Variants in MICU2 observed in about 807,000 individuals in gnomAD.
The protein encoded by MICU2 is mitochondrial calcium uptake 2.
A neutral mutation model predicts 60.4 loss-of-function variants in MICU2; 64 were observed. The observed-to-expected ratio is 1.06, with a 90% CI of 0.87 to 1.31. The LOEUF is 1.31. Among genes scored for constraint, MICU2 ranks in the 50% most tolerant of loss-of-function variants. The probability of loss-of-function intolerance (pLI) is 0.00; values close to 1 mark genes in which losing one functional copy is unlikely to be tolerated. For missense variants in MICU2, 569 were observed against 531.0 expected (o/e 1.07, Z -0.70); for synonymous variants, 201 against 175.0 (o/e 1.15, Z -1.17).
chr13:21,553,177 T>C (rs1356125592), intron 2 of MICU2, among the ~76,000 whole-genome samples: 2 of 152,198 alleles, frequency 1.3e-5, no homozygotes, highest in Non-Finnish European at 2.9e-5. Flanking sequence ...CTAGGTATTT[T>C]ATTCTCTTTG....
chr13:21,590,044 T>C (rs1016663864), intron 1 of MICU2, among the ~76,000 whole-genome samples: 1 of 151,556 alleles, frequency 6.6e-6, no homozygotes, highest in East Asian at 1.9e-4. Context: ...ACTTTATATA[T>C]AACACTAGCA....
chr13:21,586,818 C>G (rs370254367), intron 1 of MICU2, among the ~76,000 whole-genome samples: 24 of 152,288 alleles, frequency 1.6e-4, no homozygotes, highest in African/African-American at 5.8e-4. Flanking sequence ...TTCTAAGTCA[C>G]TAAATCTTTC....
chr13:21,549,620 T>C (rs1887502181), intron 2 of MICU2, among the ~76,000 whole-genome samples: 1 of 130,958 alleles, frequency 7.6e-6, no homozygotes, highest in Non-Finnish European at 1.8e-5. Flanking sequence ...CATATTTATT[T>C]GCAAAAAAAT....
At chr13:21,513,592 C>G (rs1220731779) in intron 7 of MICU2, among the ~76,000 whole-genome samples, 2 of 151,278 alleles carry the variant, frequency 1.3e-5, no homozygotes, top group Non-Finnish European at 2.9e-5. Context: ...AAAAAATTAG[C>G]TGGGTGTGTG....
intron 4 of MICU2, among the ~76,000 whole-genome samples, chr13:21,536,772 A>G (rs1164305653): frequency 6.6e-6 from 1 of 152,228 alleles, no homozygotes; most frequent in Non-Finnish European, 1.5e-5. Context: ...TCTTTAGACA[A>G]CAGGAAACAA....
chr13:21,547,768 C>A lies in MICU2; in HGVS notation c.359-8080G>T, dbSNP rs79216876. On this transcript the variant is annotated intron_variant, in intron 2 of 11. Transcript: ENST00000382374. ...AGAGGAACTGTGGATGGGGTAGGCA[C>A]AGGTGTCCATGTGTACTTGGGGGTG... Among the ~76,000 whole-genome samples the A allele has an allele frequency of 2.2e-3, 278 of 124,382 alleles. 3 individuals are homozygous for A. Among genetic ancestry groups the A allele is most frequent in the African/African-American group, 8.0e-3 (251 of 31,402 alleles). 81.6% of individuals were successfully genotyped at this position (124,382 alleles called of 152,430 possible).
chr13:21,551,294 A>T (rs1228095709), intron 2 of MICU2: 1 of 152,396 alleles, frequency 6.6e-6, no homozygotes, highest in Admixed American at 6.5e-5. Flanking sequence ...TATTTTTTAT[A>T]CATTTAAAAA....
chr13:21,514,269 AT>A, intron 7 of MICU2, 83 bp downstream of exon 7: 1 of 1,143,546 alleles, frequency 8.7e-7, no homozygotes, highest in South Asian at 1.4e-5. Flanking sequence ...TACCAAATCT[AT>A]TGGTAACTAT....
intron 2 of MICU2, among the ~76,000 whole-genome samples, chr13:21,558,621 C>T (rs552176645): frequency 1.3e-5 from 2 of 152,240 alleles, no homozygotes; most frequent in East Asian, 3.9e-4. Context: ...GTTGCCCACA[C>T]CCTCCACTTC....
chr13:21,496,097 T>C lies in MICU2; in HGVS notation c.997A>G (p.Ile333Val), dbSNP rs147894086. The C allele has an allele frequency of 4.3e-4, 692 of 1,614,136 alleles. 1 individual carries two copies. In the African/African-American group the frequency reaches 6.6e-3, roughly 15 times the overall value. The change falls in exon 10 of 12, where the codon ATT becomes GTT. Residue 333 changes from isoleucine to valine, a missense_variant. Physicochemically the swap from Ile to Val is conservative, Grantham distance 29. Transcript: ENST00000382374. ...HFTTHLEDFA[I>V]AMQMFSLAHR... ...GCTAAACTGAACATCTGCATGGCAA[T>C]AGCAAAGTCTTCCAAGTGGGTTGTA...
chr13:21,591,305 G>A (rs1593359527), intron 1 of MICU2, among the ~76,000 whole-genome samples: 1 of 152,034 alleles, frequency 6.6e-6, no homozygotes, highest in Non-Finnish European at 1.5e-5. Flanking sequence ...ATGGTCAAGG[G>A]AACAATTCAA....
intron 1 of MICU2, among the ~76,000 whole-genome samples, chr13:21,587,218 T>C (rs1375207639): frequency 6.6e-6 from 1 of 152,048 alleles, no homozygotes; most frequent in Non-Finnish European, 1.5e-5. Context: ...TTGAGTAAAA[T>C]GGGAATCCAT....
At chr13:21,511,650 A>C (rs745659699) in intron 7 of MICU2, among the ~76,000 whole-genome samples, 15 of 152,176 alleles carry the variant, frequency 9.9e-5, no homozygotes, top group Non-Finnish European at 1.9e-4. Flanking sequence ...CTTCACCACA[A>C]GGATTCCTCA....
chr13:21,573,716 G>A (rs1377873528), intron 1 of MICU2, among the ~76,000 whole-genome samples: 1 of 151,334 alleles, frequency 6.6e-6, no homozygotes, highest in African/African-American at 2.4e-5. Context: ...TTTAAAAACT[G>A]TTGTCCAAGG....
intron 8 of MICU2, 99 bp from the exon 9 acceptor site, chr13:21,503,196 T>C: frequency 1.2e-6 from 1 of 812,348 alleles, no homozygotes; most frequent in South Asian, 1.8e-5. Context: ...ACCTACTGAG[T>C]GGCTGCCTCC....
Position 21,510,064 on chromosome 13 carries a change from A to G in MICU2, c.701T>C (p.Leu234Pro). Residue 234 changes from leucine to proline, a missense_variant, in exon 8 of 12, where the codon CTT (leucine) becomes CCT (proline). Physicochemically the swap from Leu to Pro is moderately conservative, Grantham distance 98. Coordinates refer to ENST00000382374, the MANE Select transcript of MICU2 (RefSeq NM_152726.3). ...IVKEPEINTT[L>P]QMRFFGKRGQ... ...TCTTTTTCCAAAGAAACGCATCTGAAGAGTTGTGTTAATTTCAGGTTCTTT... is the reference window on the plus strand; with the variant it reads ...TCTTTTTCCAAAGAAACGCATCTGAGGAGTTGTGTTAATTTCAGGTTCTTT... The G allele has an allele frequency of 6.5e-7, 1 of 1,529,866 alleles. No homozygotes were observed. The highest frequency in any genetic ancestry group is 2.5e-5 in the East Asian group (1 of 40,278). The allele number at this position is 1,529,866 out of a possible 1,614,324, so 94.8% of individuals were successfully genotyped here.
chr13:21,505,345 A>C (rs1401706100), intron 8 of MICU2, among the ~76,000 whole-genome samples: 3 of 152,210 alleles, frequency 2.0e-5, no homozygotes. Flanking sequence ...GCACTGATGC[A>C]GGGCGGGTAA....
chr13:21,556,962 G>C lies in MICU2; in HGVS notation c.358+9835C>G, dbSNP rs988734598. 2.0e-5 allele frequency among the ~76,000 whole-genome samples: 3 copies of C among 152,256 alleles called. No individual in the cohort carries two copies. In the South Asian group the frequency reaches 6.2e-4, roughly 32 times the overall value. Reference sequence around the variant, plus strand: ...AATCACATGATTTTCTCCCAAAGTTGACAGCAGGCTAAGTCCGACAAGAAC... The same window carrying C: ...AATCACATGATTTTCTCCCAAAGTTCACAGCAGGCTAAGTCCGACAAGAAC... On this transcript the variant is annotated intron_variant, in intron 2 of 11. Transcript: ENST00000382374.
intron 4 of MICU2, among the ~76,000 whole-genome samples, chr13:21,529,582 T>C (rs1886937935): frequency 6.6e-6 from 1 of 152,178 alleles, no homozygotes; most frequent in Non-Finnish European, 1.5e-5. Context: ...AGAGGGCCAA[T>C]GACAGAGAGA....
Sources: gnomAD v4.1 joint callset for allele counts (sites outside exome capture counted in the v4.1 genomes callset) on GRCh38, gnomAD v4.1.1 for gene constraint, MANE v1.5 for transcripts, NCBI Gene and HGNC (gene_info 2026-07-23, HGNC 2026-07-21) for gene names.